Variants in OPHN1 observed in about 807,000 individuals in gnomAD.
OPHN1 encodes oligophrenin-1.
OPHN1 carries 11 observed loss-of-function variants against 60.7 expected under a neutral mutation model. The observed-to-expected ratio is 0.18, with a 90% CI of 0.11 to 0.30. The LOEUF (loss-of-function observed/expected upper bound fraction) is 0.30. Ranked by LOEUF, OPHN1 falls within the 10% of genes least tolerant of loss-of-function variation. The probability of loss-of-function intolerance (pLI) is 1.00; values close to 1 mark genes in which losing one functional copy is unlikely to be tolerated. For missense variants in OPHN1, 449 were observed against 611.0 expected (o/e 0.73, Z 2.80); for synonymous variants, 226 against 222.6 (o/e 1.02, Z -0.14).
chrX:68,262,589 G>C (rs774365835), intron 5 of OPHN1, among the ~76,000 whole-genome samples: 28 of 112,044 alleles, frequency 2.5e-4, no homozygotes, highest in Non-Finnish European at 3.0e-4. Flanking sequence ...TTCGAGACCA[G>C]CCTGACCAAC....
chrX:68,054,483 T>C (rs1474106399), intron 21 of OPHN1, among the ~76,000 whole-genome samples: 1 of 110,645 alleles, frequency 9.0e-6, no homozygotes, highest in Non-Finnish European at 1.9e-5. Context: ...AAATCATACA[T>C]ATGAGACGGT....
At chrX:68,075,563 A>G (rs995776838) in intron 19 of OPHN1, among the ~76,000 whole-genome samples, 1 of 110,942 alleles carries the variant, frequency 9.0e-6, no homozygotes, top group Non-Finnish European at 1.9e-5. Flanking sequence ...CAAAGTTGGA[A>G]AGCTAACACT....
At chrX:68,118,156 A>T (rs2077135318) in intron 16 of OPHN1, among the ~76,000 whole-genome samples, 1 of 111,655 alleles carries the variant, frequency 9.0e-6, no homozygotes, top group African/African-American at 3.3e-5. Context: ...AGTCAGAGAC[A>T]CTGAGATTTA....
chrX:68,354,625 C>T (rs1316554797), intron 2 of OPHN1, among the ~76,000 whole-genome samples: 1 of 106,656 alleles, frequency 9.4e-6, no homozygotes, highest in Non-Finnish European at 1.9e-5. Flanking sequence ...CGTGGTGGCA[C>T]ACACCTGTAG....
chrX:68,137,232 G>C (rs780196651), intron 15 of OPHN1, among the ~76,000 whole-genome samples: 2 of 111,616 alleles, frequency 1.8e-5, no homozygotes, highest in South Asian at 7.6e-4. Flanking sequence ...ACCTGAAAAA[G>C]CCTGGGTAAA....
chrX:68,298,206 C>G (rs780976315), intron 3 of OPHN1, among the ~76,000 whole-genome samples: 1 of 111,414 alleles, frequency 9.0e-6, no homozygotes, highest in African/African-American at 3.3e-5. Flanking sequence ...CAGAAGATAA[C>G]GATTTTAGGC....
intron 2 of OPHN1, among the ~76,000 whole-genome samples, chrX:68,344,627 C>T (rs2078370417): frequency 9.0e-6 from 1 of 110,760 alleles, no homozygotes; most frequent in African/African-American, 3.3e-5. Flanking sequence ...GTAATCCCAG[C>T]ACTTTGGGAA....
At chrX:68,210,962 G>A (rs1310914658) in intron 8 of OPHN1, among the ~76,000 whole-genome samples, 2 of 110,790 alleles carry the variant, frequency 1.8e-5, no homozygotes, top group Admixed American at 1.9e-4. Flanking sequence ...CATCTAGTTG[G>A]CTCATGTTTA....
intron 15 of OPHN1, among the ~76,000 whole-genome samples, chrX:68,121,129 C>T (rs945367795): frequency 1.2e-4 from 13 of 111,932 alleles, no homozygotes; most frequent in African/African-American, 4.2e-4. Context: ...CAAATGCTAA[C>T]GTAGACAAAT....
intron 6 of OPHN1, among the ~76,000 whole-genome samples, chrX:68,233,540 C>T (rs1045371178): frequency 1.8e-5 from 2 of 111,049 alleles, no homozygotes; most frequent in Non-Finnish European, 3.8e-5. Context: ...TCCCCTAGAT[C>T]GTTTCCTAGA....
At chrX:68,192,224 C>T (rs1222495899) in intron 15 of OPHN1, among the ~76,000 whole-genome samples, 1 of 111,578 alleles carries the variant, frequency 9.0e-6, no homozygotes, top group Non-Finnish European at 1.9e-5. Context: ...AGAGGTCAGG[C>T]ATTGTGGCTC....
intron 19 of OPHN1, among the ~76,000 whole-genome samples, chrX:68,078,640 C>T: frequency 9.0e-6 from 1 of 110,933 alleles, no homozygotes; most frequent in East Asian, 2.9e-4. Context: ...TAGACACCCT[C>T]CCTCACAGAT....
intron 6 of OPHN1, among the ~76,000 whole-genome samples, chrX:68,218,864 C>A (rs1240620988): frequency 1.1e-5 from 1 of 92,123 alleles, no homozygotes; most frequent in Non-Finnish European, 2.2e-5. Context: ...GGAAGAAACT[C>A]CATCAACTAA....
intron 15 of OPHN1, among the ~76,000 whole-genome samples, chrX:68,174,057 T>C (rs1177899320): frequency 8.9e-6 from 1 of 111,909 alleles, no homozygotes; most frequent in Non-Finnish European, 1.9e-5. Context: ...TGCACTTTTG[T>C]GAATCAATGA....
chrX:68,246,224 A>G (rs750364696), intron 5 of OPHN1, among the ~76,000 whole-genome samples: 2 of 111,131 alleles, frequency 1.8e-5, no homozygotes, highest in East Asian at 5.7e-4. Flanking sequence ...AATAATGTCA[A>G]CTCTTGAGTT....
At chrX:68,166,424 C>T (rs1461245399) in intron 15 of OPHN1, among the ~76,000 whole-genome samples, 1 of 110,889 alleles carries the variant, frequency 9.0e-6, no homozygotes, top group Non-Finnish European at 1.9e-5. Flanking sequence ...ATCCCAGCAA[C>T]TCGGGAGGCT....
At chrX:68,329,802 A>AT (rs1309740681) in intron 2 of OPHN1, among the ~76,000 whole-genome samples, 1 of 111,901 alleles carries the variant, frequency 8.9e-6, no homozygotes, top group African/African-American at 3.2e-5. Flanking sequence ...GAGAAGTTAT[A>AT]TTTTTTTCTT....
At chrX:68,149,218 A>T (rs2147487228) in intron 15 of OPHN1, among the ~76,000 whole-genome samples, 1 of 111,851 alleles carries the variant, frequency 8.9e-6, no homozygotes, top group African/African-American at 3.2e-5. Context: ...CCAAATGAAA[A>T]ATCACCACAT....
intron 2 of OPHN1, among the ~76,000 whole-genome samples, chrX:68,346,830 CATT>C (rs1209244326): frequency 8.9e-6 from 1 of 111,943 alleles, no homozygotes; most frequent in African/African-American, 3.2e-5. Context: ...GCCCCCAAAT[CATT>C]ATACTCCAAA....
Sources: allele counts gnomAD v4.1 joint callset (sites outside exome capture counted in the v4.1 genomes callset), GRCh38; gene constraint gnomAD v4.1.1; transcripts MANE v1.5; gene names NCBI Gene and HGNC (gene_info 2026-07-23, HGNC 2026-07-21).